Variants in KAT6A observed in about 807,000 individuals in gnomAD.
The protein encoded by KAT6A is histone acetyltransferase KAT6A.
KAT6A carries 9 observed loss-of-function variants against 198.4 expected under a neutral mutation model. The observed-to-expected ratio is 0.05, with a 90% confidence interval of 0.03 to 0.08. The LOEUF is 0.08. Ranked by LOEUF, KAT6A falls within the 10% of genes least tolerant of loss-of-function variation. The pLI is 1.00. For synonymous variants in KAT6A, 890 were observed against 883.0 expected (o/e 1.01, Z -0.14); for missense variants, 2,077 against 2,509.9 (o/e 0.83, Z 3.69).
chr8:42,038,505 C>A (rs954121007), intron 2 of KAT6A, among the ~76,000 whole-genome samples: 1 of 149,684 alleles, frequency 6.7e-6, no homozygotes, highest in Non-Finnish European at 1.5e-5. Flanking sequence ...TTTAGGCTCA[C>A]TGCTCTCTAA....
At chr8:42,028,419 T>C (rs919538621) in intron 2 of KAT6A, among the ~76,000 whole-genome samples, 3 of 152,210 alleles carry the variant, frequency 2.0e-5, no homozygotes, top group African/African-American at 2.4e-5. Flanking sequence ...GCTCCTATAT[T>C]GGGTGCGTAT....
chr8:42,034,450 G>A (rs976627550), intron 2 of KAT6A, among the ~76,000 whole-genome samples: 5 of 152,188 alleles, frequency 3.3e-5, no homozygotes, highest in African/African-American at 9.7e-5. Context: ...TTGGAGCAAC[G>A]CACGGGAATG....
chr8:42,044,352 C>A (rs913484376), intron 2 of KAT6A, among the ~76,000 whole-genome samples: 2 of 151,904 alleles, frequency 1.3e-5, no homozygotes, highest in Non-Finnish European at 2.9e-5. Flanking sequence ...ACCCCCCCCT[C>A]GGCATCCCAA....
rs769105908 is a variant in KAT6A at position 41,934,547 on chromosome 8, CCTT to C, written c.3670_3672del (p.Lys1224del). ...GCCTCTGCTTGCATCTCCTCCTCCT[CCTT>C]CCTCTCCTCGGGTAGGGGCATGTCT... On this transcript the variant is annotated inframe_deletion, in exon 17 of 17. Coordinates refer to ENST00000265713, the MANE Select transcript of KAT6A (RefSeq NM_006766.5). The C allele has an allele frequency of 3.1e-6, 5 of 1,614,058 alleles. No individual in the cohort carries two copies. In the South Asian group the frequency reaches 3.3e-5, roughly 11 times the overall value.
intron 2 of KAT6A, among the ~76,000 whole-genome samples, chr8:42,005,634 G>A (rs941366065): frequency 9.9e-5 from 15 of 152,198 alleles, no homozygotes; most frequent in African/African-American, 3.4e-4. Context: ...GAGAGGGAGT[G>A]AGGTTGGAAG....
Position 42,048,639 on chromosome 8 carries a change from A to T in KAT6A, c.339T>A (p.Ser113=). Residue 113 remains serine (S), a synonymous_variant, in exon 2 of 17, where the codon TCT becomes TCA. Transcript: ENST00000265713. ...CAATGCTTTTCAAAGTTGAGCCACC[A>T]GACTCTGCCAAGCCCTCAACTGCCC... ...IKRAVEGLAE[S]GGSTLKSIER... is the part of the protein sequence containing the mutation. 6.2e-7 allele frequency: 1 copy of T among 1,614,238 alleles called. No individual in the cohort carries two copies. Among genetic ancestry groups the T allele is most frequent in the Non-Finnish European group, 8.5e-7 (1 of 1,180,038 alleles).
rs76070933 is a variant in KAT6A, at chr8:42,009,197, T to C, written c.601-21634A>G. Among the ~76,000 whole-genome samples the C allele has an allele frequency of 1.6e-3, 245 of 152,342 alleles. 1 individual carries two copies. Among genetic ancestry groups the C allele is most frequent in the African/African-American group, 5.6e-3 (233 of 41,576 alleles). ...ATCAGTTAGTTAACTACAATGTGTCTCTTTCCTTGACCATAAAATGGGGAT... is the reference window on the plus strand; with the variant it reads ...ATCAGTTAGTTAACTACAATGTGTCCCTTTCCTTGACCATAAAATGGGGAT... On this transcript the variant is annotated intron_variant, in intron 2 of 16. Transcript: ENST00000265713.
At chr8:42,042,003 AAC>A (rs1827692789) in intron 2 of KAT6A, among the ~76,000 whole-genome samples, 1 of 152,230 alleles carries the variant, frequency 6.6e-6, no homozygotes, top group South Asian at 2.1e-4. Flanking sequence ...GTATCAACGC[AAC>A]AGAGTAATTG....
chr8:41,955,483 T>C (rs1482768017), intron 8 of KAT6A, 72 bp from the exon 9 acceptor site: 2 of 962,914 alleles, frequency 2.1e-6, no homozygotes, highest in Non-Finnish European at 3.3e-6. Flanking sequence ...AAGTTCTGAA[T>C]CTAAATGTTG....
At chr8:42,035,465 AAGT>A (rs1387304348) in intron 2 of KAT6A, among the ~76,000 whole-genome samples, 1 of 152,228 alleles carries the variant, frequency 6.6e-6, no homozygotes, top group African/African-American at 2.4e-5. Context: ...TAACTCAGGA[AAGT>A]TATCTCTAGA....
chr8:42,044,715 C>G (rs1373553416), intron 2 of KAT6A, among the ~76,000 whole-genome samples: 1 of 152,182 alleles, frequency 6.6e-6, no homozygotes, highest in African/African-American at 2.4e-5. Context: ...ATAGAAATAC[C>G]TGCATTAGCA....
chr8:41,943,783 G>A lies in KAT6A; in HGVS notation c.2193C>T (p.Leu731=). 8.1e-6 allele frequency: 13 copies of A among 1,613,792 alleles called. No homozygotes were observed. Among genetic ancestry groups the A allele is most frequent in the Non-Finnish European group, 1.0e-5 (12 of 1,179,774 alleles). ...GGAAGTCCAGCATTCGTAGGTGGTG[G>A]AGTGTGGAAGTGATGTCTTGAGGGC... ...GICPQDITST[L]HHLRMLDFRS... The change falls in exon 13 of 17, where the codon CTC becomes CTT. Residue 731 remains leucine, a synonymous_variant. Coordinates refer to ENST00000265713, the MANE Select transcript of KAT6A (RefSeq NM_006766.5).
chr8:42,008,331 T>A (rs920630076), intron 2 of KAT6A, among the ~76,000 whole-genome samples: 1 of 152,044 alleles, frequency 6.6e-6, no homozygotes, highest in Non-Finnish European at 1.5e-5. Flanking sequence ...TGAAACCCTA[T>A]CCTTAAGTAA....
In KAT6A at chr8:41,942,771, T is replaced by C. The variant is rs778628643; in HGVS notation, c.2436+22A>G. ...AAAATATATCTTCTGTCATCAAAAA[T>C]AGAGACTATTCATGCCCTTACACTG... On this transcript the variant is annotated intron_variant, in intron 14 of 16. Coordinates refer to ENST00000265713, the MANE Select transcript of KAT6A (RefSeq NM_006766.5). 5.0e-6 allele frequency: 8 copies of C among 1,610,090 alleles called. No homozygotes were observed. In the Admixed American group the frequency reaches 6.7e-5, roughly 14 times the overall value.
chr8:42,013,116 T>G (rs930318449), intron 2 of KAT6A, among the ~76,000 whole-genome samples: 5 of 151,906 alleles, frequency 3.3e-5, no homozygotes, highest in African/African-American at 1.2e-4. Context: ...TATATCTTGA[T>G]TGTGGTGATT....
At chr8:42,029,890 T>C (rs989369057) in intron 2 of KAT6A, among the ~76,000 whole-genome samples, 2 of 152,206 alleles carry the variant, frequency 1.3e-5, no homozygotes, top group Non-Finnish European at 2.9e-5. Flanking sequence ...TTGTGTACCC[T>C]TGTATTTCAC....
chr8:41,946,493 TACACACACACACACACACACACACACAC>T, intron 12 of KAT6A, 70 bp downstream of exon 12: 4 of 322,642 alleles, frequency 1.2e-5, no homozygotes, highest in South Asian at 1.1e-4. Flanking sequence ...TATATATATA[TACACACACACACACACACACACACACAC>T]ACACACACAC....
intron 2 of KAT6A, among the ~76,000 whole-genome samples, chr8:42,027,680 T>C (rs1452930822): frequency 1.3e-5 from 2 of 152,150 alleles, no homozygotes; most frequent in African/African-American, 4.8e-5. Context: ...CTTCTCTCTT[T>C]TTTCTTGGTT....
At position 41,934,522 on chromosome 8, in the gene KAT6A, G is replaced by T; in HGVS notation, c.3698C>A (p.Ala1233Glu). The change falls in exon 17 of 17, where the codon GCA becomes GAA. Residue 1233 changes from alanine (A) to glutamate (E), a missense_variant. This residue lies in a region of KAT6A where 375 missense variants were observed against 383.0 expected (regional missense o/e 0.98). Coordinates refer to ENST00000265713, the MANE Select transcript of KAT6A (RefSeq NM_006766.5). ...RKEEEEMQAE[A>E]EEAEEGEEED... ...TTCCTCACCCTCTTCAGCCTCTTCT[G>T]CCTCTGCTTGCATCTCCTCCTCCTC... The T allele has an allele frequency of 6.2e-7, 1 of 1,613,522 alleles. No homozygotes were observed. Among genetic ancestry groups the T allele is most frequent in the Non-Finnish European group, 8.5e-7 (1 of 1,179,824 alleles).
Sources: gnomAD v4.1 joint callset for allele counts (sites outside exome capture counted in the v4.1 genomes callset) on GRCh38, gnomAD v4.1.1 for gene constraint, gnomAD v4.1.1 regional missense constraint, MANE v1.5 for transcripts, NCBI Gene and HGNC (gene_info 2026-07-23, HGNC 2026-07-21) for gene names.